Variants in TM9SF2 observed in about 807,000 individuals in gnomAD.
TM9SF2 encodes the protein transmembrane 9 superfamily member 2, also known as 76 kDa membrane protein.
Under a neutral mutation model 84.9 loss-of-function variants are expected in TM9SF2, and 13 were observed. The observed-to-expected ratio is 0.15, with a 90% CI of 0.10 to 0.24. The LOEUF (loss-of-function observed/expected upper bound fraction) is 0.24, where lower values mean the gene tolerates loss of function less well. Ranked by LOEUF, TM9SF2 falls within the 10% of genes least tolerant of loss-of-function variation. The pLI, the probability that TM9SF2 is intolerant of heterozygous loss-of-function variation, is 1.00. For missense variants in TM9SF2, 562 were observed against 818.5 expected (o/e 0.69, Z 3.82); for synonymous variants, 273 against 285.8 (o/e 0.96, Z 0.45).
At chr13:99,501,855 G>A in intron 1 of TM9SF2, 78 bp downstream of exon 1, 1 of 1,534,376 alleles carries the variant, frequency 6.5e-7, no homozygotes, top group Non-Finnish European at 8.7e-7. Flanking sequence ...TGATCCTCGG[G>A]TGGGAGCGAG....
intron 1 of TM9SF2, among the ~76,000 whole-genome samples, chr13:99,510,927 G>T (rs976394725): frequency 1.3e-5 from 2 of 152,084 alleles, no homozygotes; most frequent in Non-Finnish European, 2.9e-5. Context: ...TGAGTTTCTC[G>T]TGGTCTTCAG....
intron 1 of TM9SF2, among the ~76,000 whole-genome samples, chr13:99,501,993 A>G (rs2046068375): frequency 6.6e-6 from 1 of 151,738 alleles, no homozygotes; most frequent in African/African-American, 2.4e-5. Flanking sequence ...TGGGCCTCAG[A>G]CTCGCCTCCC....
intron 16 of TM9SF2, among the ~76,000 whole-genome samples, chr13:99,562,121 T>C (rs1479861981): frequency 2.0e-5 from 3 of 152,188 alleles, no homozygotes; most frequent in Admixed American, 1.3e-4. Context: ...ACACACAGTT[T>C]GTGACAGAGC....
chr13:99,504,764 CTTTT>C (rs774323239), intron 1 of TM9SF2, among the ~76,000 whole-genome samples: 22 of 152,146 alleles, frequency 1.4e-4, no homozygotes, highest in Non-Finnish European at 2.9e-4. Context: ...TCATGGCCTC[CTTTT>C]TTTAACTTAT....
At position 99,514,089 on chromosome 13, in the gene TM9SF2, A is replaced by T. The variant is rs73560206; in HGVS notation, c.172-3525A>T. ...ACCGCATAACGTTTTGGTCAACGACAGACCAGTGGCCTTATAAGATGATAA... is the reference window on the plus strand; with the variant it reads ...ACCGCATAACGTTTTGGTCAACGACTGACCAGTGGCCTTATAAGATGATAA... On this transcript the variant is annotated intron_variant, in intron 1 of 16. Transcript: ENST00000376387. 888 of 152,378 alleles carry T rather than the reference A, an allele frequency of 5.8e-3. 5 individuals carry two copies. The highest frequency in any genetic ancestry group is 0.021 in the African/African-American group (858 of 41,582). 9.4% of individuals were successfully genotyped at this position (152,378 alleles called of 1,614,324 possible). A position where few individuals can be genotyped will look rare whatever the true frequency, so the allele number is the denominator to read the frequency against.
intron 6 of TM9SF2, 137 bp downstream of exon 6, chr13:99,538,000 T>G: frequency 8.0e-7 from 1 of 1,248,404 alleles, no homozygotes; most frequent in Non-Finnish European, 1.1e-6. Context: ...TGGCATGATT[T>G]GTTATTGTTA....
At chr13:99,510,053 C>G (rs771543810) in intron 1 of TM9SF2, among the ~76,000 whole-genome samples, 1 of 152,308 alleles carries the variant, frequency 6.6e-6, no homozygotes, top group South Asian at 2.1e-4. Context: ...GGTTGTCACT[C>G]TTTAGTGCAG....
intron 8 of TM9SF2, among the ~76,000 whole-genome samples, chr13:99,541,127 T>C (rs1175088202): frequency 6.6e-6 from 1 of 152,260 alleles, no homozygotes; most frequent in Non-Finnish European, 1.5e-5. Flanking sequence ...CCTTCAAACA[T>C]GATTCAAAAC....
Position 99,540,786 on chromosome 13 carries a change from T to C in TM9SF2, c.901T>C (p.Trp301Arg). Residue 301 changes from tryptophan (W) to arginine (R), a missense_variant, in exon 8 of 17, where the codon TGG becomes CGG. Trp to Arg is a moderately radical substitution (Grantham distance 101). Transcript: ENST00000376387. ...LESMPHTHIQ[W>R]FSIMNSLVIV... ...GTCTATGCCTCATACCCACATTCAGTGGTTTAGGTAAGAGTACAGAGTTAG... is the reference window on the plus strand; with the variant it reads ...GTCTATGCCTCATACCCACATTCAGCGGTTTAGGTAAGAGTACAGAGTTAG... The C allele has an allele frequency of 6.2e-7, 1 of 1,613,566 alleles. No homozygotes were observed. Among genetic ancestry groups the C allele is most frequent in the Non-Finnish European group, 8.5e-7 (1 of 1,179,724 alleles).
intron 1 of TM9SF2, among the ~76,000 whole-genome samples, chr13:99,510,762 A>G (rs1014902176): frequency 2.0e-5 from 3 of 152,330 alleles, no homozygotes; most frequent in South Asian, 4.1e-4. Flanking sequence ...ATTTGACATG[A>G]GATTTAGACA....
chr13:99,519,920 C>A, intron 2 of TM9SF2, 116 bp from the exon 3 acceptor site: 1 of 764,852 alleles, frequency 1.3e-6, no homozygotes, highest in Non-Finnish European at 2.1e-6. Flanking sequence ...AGATTTCTTA[C>A]TCATCTACTA....
intron 12 of TM9SF2, among the ~76,000 whole-genome samples, chr13:99,550,188 A>T (rs1239079690): frequency 6.6e-6 from 1 of 152,140 alleles, no homozygotes; most frequent in East Asian, 1.9e-4. Flanking sequence ...TTATTCCTCC[A>T]AATAGGCTCA....
intron 8 of TM9SF2, among the ~76,000 whole-genome samples, chr13:99,541,164 A>G (rs552261344): frequency 2.0e-5 from 3 of 152,330 alleles, no homozygotes; most frequent in Admixed American, 1.3e-4. Flanking sequence ...TCATGTTGCC[A>G]TAACTCTCCT....
Position 99,562,975 on chromosome 13 carries a change from A to G in TM9SF2, c.*217A>G. On this transcript the variant is annotated 3_prime_UTR_variant, in exon 17 of 17. Transcript: ENST00000376387. The stretch of plus-strand genomic sequence containing the variant: ...TGTATTGTGATTTGATTAAGTATAT[A>G]TTTGGTTGTTCTCAATGAAGAGCAA... The G allele has an allele frequency of 6.9e-6, 3 of 434,906 alleles. No individual in the cohort carries two copies. 26.9% of individuals were successfully genotyped at this position (434,906 alleles called of 1,614,324 possible).
chr13:99,506,252 C>G (rs1169794276), intron 1 of TM9SF2, among the ~76,000 whole-genome samples: 1 of 151,938 alleles, frequency 6.6e-6, no homozygotes, highest in East Asian at 1.9e-4. Context: ...TTAATTTGAC[C>G]ATAGAAGTAG....
chr13:99,510,722 C>T (rs1224014239), intron 1 of TM9SF2, among the ~76,000 whole-genome samples: 1 of 152,202 alleles, frequency 6.6e-6, no homozygotes, highest in Non-Finnish European at 1.5e-5. Context: ...CACCTCCCAG[C>T]AAGCTCCACC....
chr13:99,510,021 A>T (rs555325771), intron 1 of TM9SF2, among the ~76,000 whole-genome samples: 1 of 152,138 alleles, frequency 6.6e-6, no homozygotes, highest in Non-Finnish European at 1.5e-5. Context: ...CTGCTTAAAA[A>T]TTTCTTCTAC....
chr13:99,506,939 T>G (rs1249668198), intron 1 of TM9SF2, among the ~76,000 whole-genome samples: 1 of 152,246 alleles, frequency 6.6e-6, no homozygotes, highest in Non-Finnish European at 1.5e-5. Flanking sequence ...TTTCATTCTA[T>G]TTTCATTAAA....
chr13:99,523,263 C>T (rs2046168230), intron 3 of TM9SF2, among the ~76,000 whole-genome samples: 1 of 152,152 alleles, frequency 6.6e-6, no homozygotes, highest in South Asian at 2.1e-4. Context: ...TAAATCCTCT[C>T]ACCTCAGCCT....
Sources: allele counts gnomAD v4.1 joint callset (sites outside exome capture counted in the v4.1 genomes callset), GRCh38; gene constraint gnomAD v4.1.1; transcripts MANE v1.5; gene names NCBI Gene and HGNC (gene_info 2026-07-23, HGNC 2026-07-21).